Variants in DGLUCY observed in about 807,000 individuals in gnomAD.
The protein encoded by DGLUCY is D-glutamate cyclase.
In DGLUCY, 58 loss-of-function variants were observed where a neutral mutation model predicts 58.5. The ratio of observed to expected loss-of-function variants is 0.99; its 90% CI spans 0.80 to 1.23. DGLUCY has a LOEUF of 1.23. Ranked by LOEUF, DGLUCY falls within the 50% of genes most tolerant of loss-of-function variation. The probability of loss-of-function intolerance (pLI) is 0.00; values close to 1 mark genes in which losing one functional copy is unlikely to be tolerated. For synonymous variants in DGLUCY, 325 were observed against 314.1 expected (o/e 1.03, Z -0.37); for missense variants, 779 against 784.7 (o/e 0.99, Z 0.09).
At chr14:91,126,209 A>G (rs1408960010) in intron 1 of DGLUCY, among the ~76,000 whole-genome samples, 1 of 152,184 alleles carries the variant, frequency 6.6e-6, no homozygotes, top group Admixed American at 6.5e-5. Context: ...TCTGGGGGGT[A>G]GGAGTTCTAC....
chr14:91,134,418 G>A (rs537740264), intron 1 of DGLUCY, among the ~76,000 whole-genome samples: 3 of 151,450 alleles, frequency 2.0e-5, no homozygotes, highest in African/African-American at 7.3e-5. Context: ...TATTATAGAT[G>A]GTATCATTCA....
At chr14:91,069,204 A>G (rs1411254770) in intron 1 of DGLUCY, among the ~76,000 whole-genome samples, 1 of 152,212 alleles carries the variant, frequency 6.6e-6, no homozygotes, top group Non-Finnish European at 1.5e-5. Context: ...TGCAGACCTC[A>G]GACTCAGCTC....
At chr14:91,192,314 G>C (rs2049949285) in intron 9 of DGLUCY, among the ~76,000 whole-genome samples, 1 of 152,220 alleles carries the variant, frequency 6.6e-6, no homozygotes. Flanking sequence ...AGGGCAGAAA[G>C]TAGAGTGGTG....
intron 1 of DGLUCY, among the ~76,000 whole-genome samples, chr14:91,128,135 T>G (rs571032681): frequency 1.4e-4 from 22 of 152,018 alleles, no homozygotes; most frequent in Non-Finnish European, 2.9e-4. Context: ...CTGCTCCTGG[T>G]ACAGAATTCT....
chr14:91,133,777 G>A (rs1419419286), intron 1 of DGLUCY, among the ~76,000 whole-genome samples: 1 of 152,158 alleles, frequency 6.6e-6, no homozygotes, highest in East Asian at 1.9e-4. Context: ...AAGGGTTCCA[G>A]TTACTCCGTG....
intron 4 of DGLUCY, among the ~76,000 whole-genome samples, chr14:91,168,891 A>G (rs1314949290): frequency 1.3e-5 from 2 of 152,216 alleles, no homozygotes; most frequent in Admixed American, 6.5e-5. Flanking sequence ...ATTCGAGACC[A>G]GCCTGGCCAA....
chr14:91,207,886 A>T (rs772855356), intron 12 of DGLUCY, among the ~76,000 whole-genome samples: 23 of 152,114 alleles, frequency 1.5e-4, no homozygotes, highest in Non-Finnish European at 2.6e-4. Context: ...AGCTGGGATT[A>T]CAGGCATGCG....
At chr14:91,170,358 G>T (rs750085943) in intron 5 of DGLUCY, among the ~76,000 whole-genome samples, 157 bp downstream of exon 5, 2 of 152,198 alleles carry the variant, frequency 1.3e-5, no homozygotes, top group Non-Finnish European at 2.9e-5. Context: ...CAGGAGAAAT[G>T]ATCAATCTCT....
Position 91,203,457 on chromosome 14 carries a change from A to G in DGLUCY, c.1445-1249A>G, listed in dbSNP as rs2050694020. ...AAAAACAATGATGTACCTGTTCCATAGGCTTGGAGAGTCCAGCCCTCTGGC... is the reference window on the plus strand; with the variant it reads ...AAAAACAATGATGTACCTGTTCCATGGGCTTGGAGAGTCCAGCCCTCTGGC... On this transcript the variant is annotated intron_variant, in intron 11 of 13. Coordinates refer to ENST00000256324, the MANE Select transcript of DGLUCY (RefSeq NM_001102368.3). 2.0e-5 allele frequency among the ~76,000 whole-genome samples: 3 copies of G among 152,372 alleles called. No individual in the cohort carries two copies. The South Asian group carries it at 6.2e-4, about 32-fold the overall frequency.
chr14:91,194,976 C>T (rs868481544), intron 9 of DGLUCY, among the ~76,000 whole-genome samples: 4 of 152,300 alleles, frequency 2.6e-5, no homozygotes, highest in South Asian at 2.1e-4. Flanking sequence ...GGGTGGGAGC[C>T]GCTGTCTGGA....
At chr14:91,207,161 G>A (rs1423182079) in intron 12 of DGLUCY, among the ~76,000 whole-genome samples, 19 of 85,332 alleles carry the variant, frequency 2.2e-4, no homozygotes, top group East Asian at 6.0e-4. Flanking sequence ...ACTGTCTCAG[G>A]AAAAAAAAAA....
At chr14:91,111,246 GTGTATATATCTATATATCTA>G (rs2044692848), upstream of DGLUCY, among the ~76,000 whole-genome samples, 1 of 89,762 alleles carries the variant, frequency 1.1e-5, no homozygotes, top group African/African-American at 4.0e-5. Flanking sequence ...GTGTGTGTGT[GTGTATATATCTATATATCTA>G]TATCTATCTA....
In DGLUCY at chr14:91,165,307, A is replaced by G. The variant is rs2048216324; in HGVS notation, c.104-1918A>G. On this transcript the variant is annotated intron_variant, in intron 3 of 13. Coordinates refer to ENST00000256324, the MANE Select transcript of DGLUCY (RefSeq NM_001102368.3). ...TGAACACCGAGGTGCTCAATAACTTACATACATTACCTCCCTGAGGTCTCT... is the reference window on the plus strand; with the variant it reads ...TGAACACCGAGGTGCTCAATAACTTGCATACATTACCTCCCTGAGGTCTCT... The G allele has an allele frequency of 1.1e-5, 5 of 455,370 alleles. No individual in the cohort carries two copies. The Admixed American group carries it at 1.2e-4, about 11-fold the overall frequency. 28.2% of individuals were successfully genotyped at this position (455,370 alleles called of 1,614,324 possible).
intron 3 of DGLUCY, among the ~76,000 whole-genome samples, chr14:91,165,618 A>G (rs756053304): frequency 1.3e-5 from 2 of 152,356 alleles, no homozygotes; most frequent in South Asian, 2.1e-4. Context: ...CCAATAGGAC[A>G]TATGAAAAGG....
intron 1 of DGLUCY, among the ~76,000 whole-genome samples, chr14:91,089,940 T>C (rs1325675096): frequency 6.6e-6 from 1 of 152,054 alleles, no homozygotes; most frequent in Non-Finnish European, 1.5e-5. Context: ...GGACAACAGA[T>C]GTAACCCGGA....
chr14:91,197,028 G>A (rs1292551052), intron 10 of DGLUCY, among the ~76,000 whole-genome samples: 5 of 152,206 alleles, frequency 3.3e-5, no homozygotes, highest in South Asian at 2.1e-4. Flanking sequence ...GTGCAGTGGC[G>A]CGATCTCTGC....
exon 1 of DGLUCY, chr14:91,060,573 T>C: frequency 9.1e-7 from 1 of 1,096,122 alleles, no homozygotes; most frequent in Non-Finnish European, 1.2e-6. Context: ...AAGACGAGTC[T>C]CTTTCCCGCT....
chr14:91,084,016 G>C (rs896547028), intron 1 of DGLUCY, among the ~76,000 whole-genome samples: 3 of 152,078 alleles, frequency 2.0e-5, no homozygotes, highest in South Asian at 2.1e-4. Flanking sequence ...TTGGGAAGTA[G>C]GGAGTTTCTC....
intron 9 of DGLUCY, among the ~76,000 whole-genome samples, chr14:91,195,188 C>G (rs906129074): frequency 1.3e-5 from 2 of 152,112 alleles, no homozygotes; most frequent in Non-Finnish European, 2.9e-5. Context: ...ACAGTGGGTC[C>G]AAGACACCCT....
Sources: gnomAD v4.1 joint callset for allele counts (sites outside exome capture counted in the v4.1 genomes callset) on GRCh38, gnomAD v4.1.1 for gene constraint, MANE v1.5 for transcripts, NCBI Gene and HGNC (gene_info 2026-07-23, HGNC 2026-07-21) for gene names.